EFNB2: variants seen among roughly 807,000 people sequenced by gnomAD.
The protein encoded by EFNB2 is ephrin B2.
In EFNB2, 5 loss-of-function variants were observed where a neutral mutation model predicts 32.1. The ratio of observed to expected loss-of-function variants is 0.16; its 90% CI spans 0.08 to 0.33. The LOEUF (loss-of-function observed/expected upper bound fraction) is 0.33, where lower values mean the gene tolerates loss of function less well. Among genes scored for constraint, EFNB2 ranks in the 10% least tolerant of loss-of-function variants. The probability of loss-of-function intolerance (pLI) is 1.00; values close to 1 mark genes in which losing one functional copy is unlikely to be tolerated. For missense variants in EFNB2, 263 were observed against 422.6 expected, an observed-to-expected ratio of 0.62 and a Z score of 3.31; for synonymous variants, 168 against 166.5, an observed-to-expected ratio of 1.01 and a Z score of -0.07.
At chr13:106,503,675 C>G (rs1370565982) in intron 2 of EFNB2, among the ~76,000 whole-genome samples, 3 of 152,108 alleles carry the variant, frequency 2.0e-5, no homozygotes, top group Non-Finnish European at 4.4e-5. Flanking sequence ...AGCTCACTGC[C>G]ACAGGGCCAT....
intron 1 of EFNB2, 30 bp from the exon 2 acceptor site, chr13:106,512,842 G>A (rs1879187836): frequency 6.5e-7 from 1 of 1,529,072 alleles, no homozygotes; most frequent in Non-Finnish European, 8.8e-7. Context: ...AAGCCATTGA[G>A]TTGATAAAAA....
chr13:106,495,582 G>A (rs1431489223), intron 3 of EFNB2, among the ~76,000 whole-genome samples, 166 bp downstream of exon 3: 4 of 152,026 alleles, frequency 2.6e-5, no homozygotes, highest in Admixed American at 2.6e-4. Flanking sequence ...TAAAAGCTTA[G>A]TACATTGACT....
rs1393311557 is a variant in EFNB2 at position 106,492,417 on chromosome 13, A to T, written c.*623T>A. ...ATTTCTATGAACGGATTACCCATGG[A>T]CTGAAGCTGTTGTTGCCAGCGGCTG... On this transcript the variant is annotated 3_prime_UTR_variant, in exon 5 of 5. Coordinates refer to ENST00000646441, the MANE Select transcript of EFNB2 (RefSeq NM_004093.4). This position sits in a 1 kb window ranked among gnomAD's most constrained non-coding sequence, Gnocchi z 5.1. The T allele has an allele frequency of 6.5e-6, 1 of 152,794 alleles. No individual in the cohort carries two copies. Among genetic ancestry groups the T allele is most frequent in the African/African-American group, 2.4e-5 (1 of 41,444 alleles). 9.5% of individuals were successfully genotyped at this position (152,794 alleles called of 1,614,324 possible). A position where few individuals can be genotyped will look rare whatever the true frequency, so the allele number is the denominator to read the frequency against.
chr13:106,508,039 A>G (rs1213697051), intron 2 of EFNB2, among the ~76,000 whole-genome samples: 1 of 152,194 alleles, frequency 6.6e-6, no homozygotes, highest in Non-Finnish European at 1.5e-5. Context: ...TGGTAGTGTG[A>G]CGAAAACCTC....
chr13:106,490,680 TG>T lies in EFNB2; in HGVS notation c.*2359del. 1 of 151,938 alleles carries T rather than the reference TG, an allele frequency of 6.6e-6. No individual in the cohort carries two copies. Among genetic ancestry groups the T allele is most frequent in the East Asian group, 1.9e-4 (1 of 5,172 alleles). The allele number at this position is 151,938 out of a possible 1,614,324, so 9.4% of individuals were successfully genotyped here. The stretch of plus-strand genomic sequence containing the variant: ...GCACAGAAAGGAGAGGTTGGGGTGA[TG>T]GAAAGAATTACATATGTACTGTGGC... On this transcript the variant is annotated 3_prime_UTR_variant, in exon 5 of 5. Coordinates refer to ENST00000646441, the MANE Select transcript of EFNB2 (RefSeq NM_004093.4).
chr13:106,524,107 G>A (rs2138938238), intron 1 of EFNB2, among the ~76,000 whole-genome samples: 1 of 152,176 alleles, frequency 6.6e-6, no homozygotes, highest in Middle Eastern at 3.4e-3. Flanking sequence ...TTTCCATTGG[G>A]TATAACCTTA....
chr13:106,508,812 A>G (rs149604647), intron 2 of EFNB2, among the ~76,000 whole-genome samples: 138 of 152,382 alleles, frequency 9.1e-4, no homozygotes, highest in Non-Finnish European at 1.5e-3. Flanking sequence ...ATGAGGATGC[A>G]TATCAGTTTG....
At position 106,493,372 on chromosome 13, in the gene EFNB2, C is replaced by T. The variant is rs1464916257; in HGVS notation, c.670G>A (p.Glu224Lys). The T allele has an allele frequency of 5.0e-6, 8 of 1,613,968 alleles. No individual in the cohort carries two copies. The highest frequency in any genetic ancestry group is 1.3e-5 in the African/African-American group (1 of 74,878). The change falls in exon 5 of 5, where the codon GAA (glutamate) becomes AAA (lysine). Residue 224 changes from glutamate (E) to lysine (K), a missense_variant. This residue lies in a region of EFNB2 where 172 missense variants were observed against 237.1 expected (regional missense o/e 0.73). Transcript: ENST00000646441. The surrounding 1 kb of genome is among the most constrained non-coding windows in gnomAD (Gnocchi z 6.1). ...GCAATCCCTGCAAATAAGGCCACTT[C>T]GGAACCGAGGATGTTGTTCCCCGAA... ...GHSGNNILGS[E>K]VALFAGIASG...
intron 1 of EFNB2, among the ~76,000 whole-genome samples, chr13:106,513,587 T>C (rs1339867290): frequency 1.3e-5 from 2 of 152,100 alleles, no homozygotes; most frequent in Non-Finnish European, 2.9e-5. Context: ...TGATACAATA[T>C]CCCCTTAATG....
In EFNB2 at chr13:106,493,063, C is replaced by T. The variant is rs1182962612; in HGVS notation, c.979G>A (p.Ala327Thr). Residue 327 changes from alanine to threonine, a missense_variant, in exon 5 of 5, where the codon GCG becomes ACG. Around this residue, in one of 3 missense-constraint regions of EFNB2, gnomAD observed 172 missense variants for 237.1 expected, o/e 0.73. Transcript: ENST00000646441. This position sits in a 1 kb window ranked among gnomAD's most constrained non-coding sequence, Gnocchi z 6.1. ...TCTCAGACCTTGTAGTAAATGTTCG[C>T]CGGGCTCTGCGGGGGCATCTCCTGG... is the stretch of plus-strand genomic sequence containing the variant. ...IVQEMPPQSP[A>T]NIYYKV 1 of 1,612,008 alleles carries T rather than the reference C, an allele frequency of 6.2e-7. No homozygotes were observed. Among genetic ancestry groups the T allele is most frequent in the East Asian group, 2.2e-5 (1 of 44,802 alleles).
At chr13:106,528,857 T>C (rs1338928652) in intron 1 of EFNB2, among the ~76,000 whole-genome samples, 1 of 152,180 alleles carries the variant, frequency 6.6e-6, no homozygotes, top group African/African-American at 2.4e-5. Flanking sequence ...TTTTTGACTT[T>C]AAGGCTGGGC....
chr13:106,502,535 C>G (rs1878816140), intron 2 of EFNB2, among the ~76,000 whole-genome samples: 1 of 152,112 alleles, frequency 6.6e-6, no homozygotes, highest in South Asian at 2.1e-4. Context: ...TACTTAATTG[C>G]TTCTACTTGG....
chr13:106,496,521 T>C (rs532557323), intron 2 of EFNB2, among the ~76,000 whole-genome samples: 62 of 152,352 alleles, frequency 4.1e-4, no homozygotes, highest in African/African-American at 1.4e-3. Context: ...GGGAAAACTC[T>C]GGCTGAATAG....
intron 2 of EFNB2, among the ~76,000 whole-genome samples, chr13:106,499,448 A>G (rs559164916): frequency 6.6e-6 from 1 of 152,150 alleles, no homozygotes; most frequent in South Asian, 2.1e-4. Flanking sequence ...AAAAAAATCT[A>G]TTTCCATTTC....
rs561703405 is a variant in EFNB2 at position 106,512,831 on chromosome 13, A to G, written c.123-19T>C. 3.6e-5 allele frequency: 55 copies of G among 1,546,142 alleles called. 2 individuals carry two copies. In the South Asian group the frequency reaches 6.6e-4, roughly 19 times the overall value. ...TAGAAATCTAAAAGCATAAGAAAAA[A>G]AAGCCATTGAGTTGATAAAAATTAA... On this transcript the variant is annotated intron_variant, in intron 1 of 4. Coordinates refer to ENST00000646441, the MANE Select transcript of EFNB2 (RefSeq NM_004093.4).
At chr13:106,527,661 A>G (rs1330154379) in intron 1 of EFNB2, among the ~76,000 whole-genome samples, 2 of 152,388 alleles carry the variant, frequency 1.3e-5, no homozygotes, top group South Asian at 2.1e-4. Context: ...GTCTGCTGGA[A>G]TAACAGAAAT....
chr13:106,491,050 CTTCTT>C lies in EFNB2; in HGVS notation c.*1985_*1989del, dbSNP rs577441530. 298 of 152,634 alleles carry C rather than the reference CTTCTT, an allele frequency of 2.0e-3. 1 individual carries two copies. The highest frequency in any genetic ancestry group is 5.9e-4 in the Non-Finnish European group (40 of 68,016). The allele number at this position is 152,634 out of a possible 1,614,324, so 9.5% of individuals were successfully genotyped here. A position where few individuals can be genotyped will look rare whatever the true frequency, so the allele number is the denominator to read the frequency against. ...ATAAAAAGTAGGTTTCCTGTTTACT[CTTCTT>C]GTTTCCCAGAAGGGAGGGGGTGCGG... On this transcript the variant is annotated 3_prime_UTR_variant, in exon 5 of 5. Transcript: ENST00000646441.
chr13:106,535,432 G>C lies in EFNB2; in HGVS notation c.-468C>G, dbSNP rs1880045480. 2 of 150,320 alleles carry C rather than the reference G, an allele frequency of 1.3e-5. No individual in the cohort carries two copies. The highest frequency in any genetic ancestry group is 1.3e-4 in the Admixed American group (2 of 15,082). The allele number at this position is 150,320 out of a possible 1,614,324, so 9.3% of individuals were successfully genotyped here. A position where few individuals can be genotyped will look rare whatever the true frequency, so the allele number is the denominator to read the frequency against. ...GGCCCGAGCGCGCGGGCGCCGCGTC[G>C]GCGCGGTTCCATGTCCCGGAGCACG... On this transcript the variant is annotated 5_prime_UTR_variant, in exon 1 of 5. Transcript: ENST00000646441.
intron 1 of EFNB2, chr13:106,516,065 A>G (rs1025877953): frequency 2.1e-4 from 32 of 152,370 alleles, no homozygotes; most frequent in African/African-American, 6.5e-4. Context: ...TGAACAAAAA[A>G]TAGGAATGAA....
Sources: allele counts gnomAD v4.1 joint callset (sites outside exome capture counted in the v4.1 genomes callset), GRCh38; gene constraint gnomAD v4.1.1; regional missense constraint gnomAD v4.1.1; non-coding constraint Gnocchi (gnomAD v3.1); transcripts MANE v1.5; gene names NCBI Gene and HGNC (gene_info 2026-07-23, HGNC 2026-07-21).